The following SRGAP3 variants were observed in gnomAD, a reference collection of about 807,000 sequenced individuals.
The protein encoded by SRGAP3 is SLIT-ROBO Rho GTPase activating protein 3.
In SRGAP3, 39 loss-of-function variants were observed where a neutral mutation model predicts 121.1. The observed-to-expected ratio is 0.32, with a 90% CI of 0.25 to 0.42. The LOEUF (loss-of-function observed/expected upper bound fraction) is 0.42, where lower values mean the gene tolerates loss of function less well. SRGAP3 is among the 10% of genes least tolerant of loss of function. The pLI is 1.00. For synonymous variants in SRGAP3, 601 were observed against 570.0 expected, an observed-to-expected ratio of 1.05 and a Z score of -0.77; for missense variants, 1,213 against 1,470.6, an observed-to-expected ratio of 0.82 and a Z score of 2.86.
At chr3:9,257,186 T>C (rs993077281) in intron 3 of SRGAP3, among the ~76,000 whole-genome samples, 1 of 152,234 alleles carries the variant, frequency 6.6e-6, no homozygotes, top group Non-Finnish European at 1.5e-5. Context: ...ATGGATTGAA[T>C]GCTTGTGTCC....
intron 3 of SRGAP3, among the ~76,000 whole-genome samples, chr3:9,321,323 T>C (rs1955435326): frequency 6.6e-6 from 1 of 151,910 alleles, no homozygotes; most frequent in Admixed American, 6.5e-5. Context: ...TCCTGACCCA[T>C]AGAAATCATG....
intron 1 of SRGAP3, among the ~76,000 whole-genome samples, chr3:9,174,610 A>C (rs1196503145): frequency 6.6e-6 from 1 of 152,208 alleles, no homozygotes; most frequent in Non-Finnish European, 1.5e-5. Context: ...TGTACCAGCA[A>C]AGACGCACAG....
At chr3:9,011,684 G>A (rs1319607159) in intron 17 of SRGAP3, among the ~76,000 whole-genome samples, 1 of 152,198 alleles carries the variant, frequency 6.6e-6, no homozygotes, top group African/African-American at 2.4e-5. Flanking sequence ...CTGCACCAGG[G>A]GTCAACCTTG....
intron 2 of SRGAP3, among the ~76,000 whole-genome samples, chr3:9,105,406 A>G (rs1445932890): frequency 6.6e-6 from 1 of 152,140 alleles, no homozygotes; most frequent in East Asian, 1.9e-4. Flanking sequence ...GTTCAGGAGG[A>G]AGGGTTAAGG....
At chr3:9,114,819 G>T (rs560849141) in intron 2 of SRGAP3, among the ~76,000 whole-genome samples, 2 of 152,346 alleles carry the variant, frequency 1.3e-5, no homozygotes, top group Non-Finnish European at 2.9e-5. Context: ...TGATTGTTTG[G>T]TGCCTGTGCT....
At chr3:9,216,579 C>A (rs540408804) in intron 1 of SRGAP3, 1 of 152,776 alleles carries the variant, frequency 6.5e-6, no homozygotes, top group East Asian at 1.9e-4. Context: ...AACTTCAACT[C>A]GATGGACTGT....
At chr3:9,238,752 G>A (rs1051305073) in intron 1 of SRGAP3, among the ~76,000 whole-genome samples, 4 of 152,148 alleles carry the variant, frequency 2.6e-5, no homozygotes, top group African/African-American at 9.7e-5. Context: ...GTTGAGTGTG[G>A]CCAAGACAGG....
intron 8 of SRGAP3, among the ~76,000 whole-genome samples, chr3:9,055,072 AG>A (rs1945755931): frequency 6.6e-6 from 1 of 152,232 alleles, no homozygotes; most frequent in Admixed American, 6.5e-5. Flanking sequence ...GGGAAGATGT[AG>A]GGCATAAATA....
chr3:9,038,041 A>T, intron 11 of SRGAP3, 22 bp downstream of exon 11: 1 of 1,614,104 alleles, frequency 6.2e-7, no homozygotes. Flanking sequence ...GATGAAAGAA[A>T]ACACAACTCT....
At chr3:9,334,566 G>A (rs1380748098) in intron 1 of SRGAP3, among the ~76,000 whole-genome samples, 1 of 152,074 alleles carries the variant, frequency 6.6e-6, no homozygotes, top group Non-Finnish European at 1.5e-5. Context: ...TCTCATTAAG[G>A]CCCTTTATGT....
chr3:9,145,814 G>A (rs138602194), intron 1 of SRGAP3, among the ~76,000 whole-genome samples: 1 of 152,328 alleles, frequency 6.6e-6, no homozygotes, highest in East Asian at 1.9e-4. Flanking sequence ...CTCAAAGGTT[G>A]GATAGGAGTT....
chr3:9,236,578 T>A (rs191817007), intron 1 of SRGAP3, among the ~76,000 whole-genome samples: 1 of 151,758 alleles, frequency 6.6e-6, no homozygotes, highest in African/African-American at 2.4e-5. Context: ...TGTGTGGCAC[T>A]TCCCCCCCCC....
At chr3:9,027,045 G>A (rs368710218) in intron 12 of SRGAP3, 50 bp from the exon 13 acceptor site, 40 of 1,554,754 alleles carry the variant, frequency 2.6e-5, no homozygotes, top group East Asian at 1.6e-4. Flanking sequence ...AACCACCACA[G>A]GAAAAAGACA....
At chr3:9,172,093 CTTTTTT>C (rs1553684903) in intron 1 of SRGAP3, among the ~76,000 whole-genome samples, 1 of 90,186 alleles carries the variant, frequency 1.1e-5, no homozygotes, top group Non-Finnish European at 2.9e-5. Context: ...TTTTTCTTTT[CTTTTTT>C]TTTTTTTTTT....
chr3:9,321,308 T>C (rs1425137309), intron 3 of SRGAP3, among the ~76,000 whole-genome samples: 1 of 151,962 alleles, frequency 6.6e-6, no homozygotes, highest in African/African-American at 2.4e-5. Flanking sequence ...CTCTGCTGTC[T>C]GAATTCCTGA....
chr3:9,220,477 C>T (rs1407429303), intron 1 of SRGAP3, among the ~76,000 whole-genome samples: 3 of 152,170 alleles, frequency 2.0e-5, no homozygotes, highest in African/African-American at 7.2e-5. Flanking sequence ...CTGCTCTTTC[C>T]TCCCTAAAAA....
intron 1 of SRGAP3, among the ~76,000 whole-genome samples, chr3:9,245,902 C>T (rs746506981): frequency 2.0e-4 from 31 of 152,076 alleles, no homozygotes; most frequent in Middle Eastern, 3.4e-3. Context: ...CCAGCCTGGA[C>T]GACACAGAGA....
chr3:9,348,643 G>T (rs1349412197), intron 1 of SRGAP3: 8 of 1,067,260 alleles, frequency 7.5e-6, no homozygotes, highest in Non-Finnish European at 1.0e-5. Context: ...CAGACCCTCT[G>T]GACAGTGCTA....
chr3:9,064,046 C>T (rs531507212), intron 5 of SRGAP3, among the ~76,000 whole-genome samples: 40 of 152,174 alleles, frequency 2.6e-4, no homozygotes, highest in Non-Finnish European at 5.4e-4. Context: ...GGAACAAGCC[C>T]CTGCTCCCGC....
Sources: allele counts gnomAD v4.1 joint callset (sites outside exome capture counted in the v4.1 genomes callset), GRCh38; gene constraint gnomAD v4.1.1; transcripts MANE v1.5; gene names NCBI Gene and HGNC (gene_info 2026-07-23, HGNC 2026-07-21).